KIFBP: variants seen among roughly 807,000 people sequenced by gnomAD.
KIFBP encodes kinesin family binding protein.
Under a neutral mutation model 58.9 loss-of-function variants are expected in KIFBP, and 46 were observed. The observed-to-expected ratio is 0.78, with a 90% CI of 0.62 to 1.00. KIFBP has a LOEUF of 1.00. Ranked by LOEUF, KIFBP falls within the 50% of genes least tolerant of loss-of-function variation. KIFBP has a pLI of 0.00. For missense variants in KIFBP, 651 were observed against 752.9 expected (o/e 0.86, Z 1.58); for synonymous variants, 241 against 283.4 (o/e 0.85, Z 1.50).
chr10:68,999,131 T>A (rs1244272823), intron 1 of KIFBP, among the ~76,000 whole-genome samples: 1 of 151,280 alleles, frequency 6.6e-6, no homozygotes, highest in Non-Finnish European at 1.5e-5. Flanking sequence ...AGAGTCTTGC[T>A]CCATCACCCA....
intron 1 of KIFBP, among the ~76,000 whole-genome samples, chr10:68,997,353 G>T (rs1307486710): frequency 6.6e-6 from 1 of 152,198 alleles, no homozygotes. Flanking sequence ...GGAGAAGCCT[G>T]GTGGGAGGTG....
chr10:68,995,559 A>G (rs1843395433), intron 1 of KIFBP, among the ~76,000 whole-genome samples: 1 of 152,142 alleles, frequency 6.6e-6, no homozygotes, highest in African/African-American at 2.4e-5. Context: ...TTTGTTTAAA[A>G]TCTTTGCATC....
In KIFBP at chr10:69,015,742, T is replaced by G. The variant is rs768129181; in HGVS notation, c.1192T>G (p.Leu398Val). 6.2e-7 allele frequency: 1 copy of G among 1,614,216 alleles called. No individual in the cohort carries two copies. Residue 398 changes from leucine (L) to valine (V), a missense_variant, in exon 7 of 7, where the codon TTG (leucine) becomes GTG (valine). Coordinates refer to ENST00000361983, the MANE Select transcript of KIFBP (RefSeq NM_015634.4). ...TGAAGAAGCCAGAGAACTTTTCTTATTGGGTCAGCACTATGTCTTTGAGGC... is the reference window on the plus strand; with the variant it reads ...TGAAGAAGCCAGAGAACTTTTCTTAGTGGGTCAGCACTATGTCTTTGAGGC... ...DFEEARELFL[L>V]GQHYVFEAKE...
At position 68,999,161 on chromosome 10, in the gene KIFBP, G is replaced by A. The variant is rs182136860; in HGVS notation, c.427-1263G>A. Among the ~76,000 whole-genome samples the A allele has an allele frequency of 2.1e-3, 319 of 151,946 alleles. 2 individuals are homozygous for A. The highest frequency in any genetic ancestry group is 7.2e-3 in the African/African-American group (300 of 41,422). On this transcript the variant is annotated intron_variant, in intron 1 of 6. Transcript: ENST00000361983. ...CACCCAGGTAGGAGTGCAATGGCACGATCTCGGCTCACTGCAACCTCTGCC... is the reference window on the plus strand; with the variant it reads ...CACCCAGGTAGGAGTGCAATGGCACAATCTCGGCTCACTGCAACCTCTGCC...
chr10:68,989,575 T>C (rs1400867420), intron 1 of KIFBP: 3 of 469,152 alleles, frequency 6.4e-6, no homozygotes, highest in Non-Finnish European at 1.2e-5. Flanking sequence ...TACATCGTCA[T>C]GCGCTTTCCT....
intron 2 of KIFBP, among the ~76,000 whole-genome samples, chr10:69,004,303 C>T (rs1482061961): frequency 6.7e-6 from 1 of 150,066 alleles, no homozygotes; most frequent in African/African-American, 2.5e-5. Context: ...GAGGCTGAGG[C>T]AGGAGGATCA....
intron 6 of KIFBP, 32 bp from the exon 7 acceptor site, chr10:69,015,509 A>C: frequency 1.2e-6 from 2 of 1,604,342 alleles, no homozygotes; most frequent in Non-Finnish European, 1.7e-6. Context: ...TGAGTGTCCT[A>C]CTTAACCATA....
rs1351395042 is a variant in KIFBP at position 69,016,319 on chromosome 10, C to T, written c.1769C>T (p.Ala590Val). 2 of 1,609,648 alleles carry T rather than the reference C, an allele frequency of 1.2e-6. No individual in the cohort carries two copies. Among genetic ancestry groups the T allele is most frequent in the Non-Finnish European group, 8.5e-7 (1 of 1,178,340 alleles). ...TACTGTGAAAAGCATCCTGAGGCCG[C>T]CCAGGAAATAGAAGTTGAGCTAGAA... ...VDYCEKHPEAAQEIEVELELS... is the reference protein window; with the variant it reads ...VDYCEKHPEAVQEIEVELELS... The change falls in exon 7 of 7, where the codon GCC becomes GTC. Residue 590 changes from alanine to valine, a missense_variant. Transcript: ENST00000361983.
At chr10:69,006,570 G>A (rs1169802745) in intron 4 of KIFBP, among the ~76,000 whole-genome samples, 1 of 152,116 alleles carries the variant, frequency 6.6e-6, no homozygotes, top group Non-Finnish European at 1.5e-5. Context: ...TAATCCTTGA[G>A]AGTTTTTAAT....
chr10:69,006,049 G>A, intron 4 of KIFBP, 134 bp downstream of exon 4: 1 of 809,564 alleles, frequency 1.2e-6, no homozygotes, highest in South Asian at 1.8e-5. Flanking sequence ...AGCCGAAAAT[G>A]CAGCCCAGTT....
intron 1 of KIFBP, among the ~76,000 whole-genome samples, chr10:68,998,771 A>ATATTTTTT (rs1357079794): frequency 3.0e-5 from 3 of 99,856 alleles, no homozygotes; most frequent in African/African-American, 1.1e-4. Flanking sequence ...ATATATATAT[A>ATATTTTTT]TTTTTTTTTT....
intron 3 of KIFBP, among the ~76,000 whole-genome samples, 196 bp downstream of exon 3, chr10:69,005,321 C>G (rs187031562): frequency 1.3e-5 from 2 of 152,294 alleles, no homozygotes; most frequent in African/African-American, 4.8e-5. Flanking sequence ...ATACAATAAA[C>G]AAATCCAACT....
At chr10:69,003,893 G>C (rs1226864217) in intron 2 of KIFBP, among the ~76,000 whole-genome samples, 1 of 151,808 alleles carries the variant, frequency 6.6e-6, no homozygotes, top group Non-Finnish European at 1.5e-5. Flanking sequence ...GTTTTTAAAA[G>C]AGCCCTTTTA....
intron 4 of KIFBP, chr10:69,007,666 A>C (rs1290623524): frequency 1.3e-5 from 2 of 152,232 alleles, no homozygotes; most frequent in African/African-American, 4.8e-5. Flanking sequence ...AGCTATTCTC[A>C]AGATGGCTTC....
rs781257334 is a variant in KIFBP, at chr10:69,005,805, G to A, written c.679G>A (p.Ala227Thr). ...CCAGCATCTGGAAATGTTTGAGAAGGCTGCTCACTATTGCCATAGTACACT... is the reference window on the plus strand; with the variant it reads ...CCAGCATCTGGAAATGTTTGAGAAGACTGCTCACTATTGCCATAGTACACT... ...VYQHLEMFEK[A>T]AHYCHSTLKR... is the part of the protein sequence containing the mutation. The change falls in exon 4 of 7, where the codon GCT (alanine) becomes ACT (threonine). Residue 227 changes from alanine to threonine, a missense_variant. Transcript: ENST00000361983. 81 of 1,613,720 alleles carry A rather than the reference G, an allele frequency of 5.0e-5. No homozygotes were observed. The highest frequency in any genetic ancestry group is 6.4e-5 in the Non-Finnish European group (76 of 1,179,786).
intron 2 of KIFBP, 85 bp from the exon 3 acceptor site, chr10:69,004,961 G>A: frequency 1.1e-6 from 1 of 883,080 alleles, no homozygotes; most frequent in Non-Finnish European, 1.9e-6. Flanking sequence ...GCTTGTAGAA[G>A]TTGATTTCTC....
intron 1 of KIFBP, among the ~76,000 whole-genome samples, chr10:68,996,872 A>T (rs1427675139): frequency 6.6e-6 from 1 of 152,020 alleles, no homozygotes; most frequent in Non-Finnish European, 1.5e-5. Context: ...AATAAAATAA[A>T]AAATATTTTG....
At chr10:68,990,994 G>A (rs1208671676) in intron 1 of KIFBP, 1 of 152,188 alleles carries the variant, frequency 6.6e-6, no homozygotes, top group Non-Finnish European at 1.5e-5. Flanking sequence ...GAAAAGGCCG[G>A]ATGTGGTGGC....
intron 4 of KIFBP, among the ~76,000 whole-genome samples, chr10:69,007,207 A>C (rs1304509453): frequency 2.0e-5 from 3 of 152,212 alleles, no homozygotes; most frequent in Non-Finnish European, 4.4e-5. Flanking sequence ...ACTTATGTGG[A>C]GCATGCAGTA....
Sources: allele counts gnomAD v4.1 joint callset (sites outside exome capture counted in the v4.1 genomes callset), GRCh38; gene constraint gnomAD v4.1.1; transcripts MANE v1.5; gene names NCBI Gene and HGNC (gene_info 2026-07-23, HGNC 2026-07-21).